SPOP: variants seen among roughly 807,000 people sequenced by gnomAD.
SPOP encodes speckle type BTB/POZ protein.
Under a neutral mutation model 45.6 loss-of-function variants are expected in SPOP, and 11 were observed. That is an observed-to-expected ratio of 0.24 (90% CI 0.15 to 0.40). The LOEUF (loss-of-function observed/expected upper bound fraction) is 0.40. Among genes scored for constraint, SPOP ranks in the 10% least tolerant of loss-of-function variants. The probability of loss-of-function intolerance (pLI) is 1.00; values close to 1 mark genes in which losing one functional copy is unlikely to be tolerated. For synonymous variants in SPOP, 166 were observed against 166.3 expected, an observed-to-expected ratio of 1.00 and a Z score of 0.01; for missense variants, 152 against 465.6, an observed-to-expected ratio of 0.33 and a Z score of 6.20.
intron 1 of SPOP, among the ~76,000 whole-genome samples, chr17:49,665,294 T>C (rs1300647267): frequency 1.3e-5 from 2 of 152,142 alleles, no homozygotes; most frequent in African/African-American, 4.8e-5. Context: ...TGAATATATT[T>C]TGGACAACAA....
chr17:49,628,496 T>G (rs1016186875), intron 1 of SPOP, among the ~76,000 whole-genome samples: 7 of 150,874 alleles, frequency 4.6e-5, no homozygotes, highest in African/African-American at 1.7e-4. Flanking sequence ...AATTTCTAAC[T>G]AGAATATTAA....
chr17:49,669,506 C>T (rs1011278791), intron 1 of SPOP, among the ~76,000 whole-genome samples: 26 of 145,898 alleles, frequency 1.8e-4, no homozygotes, highest in African/African-American at 6.3e-4. Context: ...GTGGCTCATG[C>T]CTGTAATCCC....
At position 49,619,585 on chromosome 17, in the gene SPOP, T is replaced by A. The variant is rs1597923669; in HGVS notation, c.201-200A>T. On this transcript the variant is annotated intron_variant, in intron 3 of 9. Coordinates refer to ENST00000504102, the MANE Select transcript of SPOP (RefSeq NM_001007228.2). The surrounding 1 kb of genome is among the most constrained non-coding windows in gnomAD (Gnocchi z 4.9). ...TCTTACTCTATCGTCCAGGCTGGAGTGCAGTGGTATGATCATGGCTTACTG... is the reference window on the plus strand; with the variant it reads ...TCTTACTCTATCGTCCAGGCTGGAGAGCAGTGGTATGATCATGGCTTACTG... 6.6e-6 allele frequency among the ~76,000 whole-genome samples: 1 copy of A among 151,868 alleles called. No individual in the cohort carries two copies. The highest frequency in any genetic ancestry group is 1.9e-4 in the East Asian group (1 of 5,182).
chr17:49,663,963 T>C (rs1422770874), intron 1 of SPOP, among the ~76,000 whole-genome samples: 2 of 152,218 alleles, frequency 1.3e-5, no homozygotes, highest in African/African-American at 4.8e-5. Context: ...GTTTTTGTTA[T>C]TGTATTATAA....
chr17:49,651,903 C>T (rs1040419866), intron 1 of SPOP, among the ~76,000 whole-genome samples: 1 of 151,960 alleles, frequency 6.6e-6, no homozygotes, highest in African/African-American at 2.4e-5. Context: ...CCTGTAATCC[C>T]AGCTACTAGG....
intron 1 of SPOP, among the ~76,000 whole-genome samples, chr17:49,632,364 TC>T (rs1389372510): frequency 6.6e-6 from 1 of 152,098 alleles, no homozygotes; most frequent in Non-Finnish European, 1.5e-5. Context: ...TGGGGGGAGT[TC>T]CTGAATCCAC....
Position 49,607,381 on chromosome 17 carries a change from G to T in SPOP, c.715-9C>A. The T allele has an allele frequency of 6.2e-7, 1 of 1,608,640 alleles. No individual in the cohort carries two copies. The highest frequency in any genetic ancestry group is 8.5e-7 in the Non-Finnish European group (1 of 1,177,434). ...TTGATTTCAACTCGATTCTATGCCA[G>T]AAAAACTGAATATGAGAAACATTCC... On this transcript the variant is annotated splice_polypyrimidine_tract_variant and intron_variant, in intron 7 of 9. Coordinates refer to ENST00000504102, the MANE Select transcript of SPOP (RefSeq NM_001007228.2).
chr17:49,677,572 C>G (rs982053292), intron 1 of SPOP, among the ~76,000 whole-genome samples: 3 of 152,220 alleles, frequency 2.0e-5, no homozygotes, highest in Non-Finnish European at 4.4e-5. Context: ...GCGCATGCGC[C>G]CCCGGGGCAG....
chr17:49,618,940 G>A (rs745957392), intron 5 of SPOP, 41 bp downstream of exon 5: 1 of 1,590,964 alleles, frequency 6.3e-7, no homozygotes, highest in South Asian at 1.1e-5. Flanking sequence ...ATACTCATCA[G>A]ATCTGGGAAC....
At chr17:49,602,447 G>T (rs1055059432) in intron 8 of SPOP, 4 of 157,102 alleles carry the variant, frequency 2.5e-5, no homozygotes, top group African/African-American at 9.6e-5. Context: ...GGGGAAGGGT[G>T]AAAGAATTGG....
Position 49,600,586 on chromosome 17 carries a change from C to A in SPOP, c.981-64G>T. 2 of 1,578,152 alleles carry A rather than the reference C, an allele frequency of 1.3e-6. No individual in the cohort carries two copies. Among genetic ancestry groups the A allele is most frequent in the South Asian group, 2.2e-5 (2 of 89,770 alleles). On this transcript the variant is annotated intron_variant, in intron 9 of 9. Coordinates refer to ENST00000504102, the MANE Select transcript of SPOP (RefSeq NM_001007228.2). This position sits in a 1 kb window ranked among gnomAD's most constrained non-coding sequence, Gnocchi z 4.2. ...GAGCAAGGGATGAATTCAACAGCCA[C>A]CTAGATAGCCTAATTTTCCACTGTT... is the stretch of plus-strand genomic sequence containing the variant.
intron 1 of SPOP, among the ~76,000 whole-genome samples, chr17:49,652,245 G>A (rs764115282): frequency 6.6e-6 from 1 of 152,188 alleles, no homozygotes; most frequent in Non-Finnish European, 1.5e-5. Flanking sequence ...CTAGTCCCAA[G>A]CATTTTGGAT....
At chr17:49,645,894 A>G (rs2072750164) in intron 1 of SPOP, among the ~76,000 whole-genome samples, 1 of 147,972 alleles carries the variant, frequency 6.8e-6, no homozygotes, top group South Asian at 2.1e-4. Flanking sequence ...TCCTTCCATT[A>G]TCTCACTGAC....
chr17:49,664,722 A>G (rs1228660220), intron 1 of SPOP, among the ~76,000 whole-genome samples: 5 of 152,184 alleles, frequency 3.3e-5, no homozygotes, highest in Non-Finnish European at 5.9e-5. Flanking sequence ...TGGGGCAGGT[A>G]TCTGGCCCGG....
intron 1 of SPOP, among the ~76,000 whole-genome samples, chr17:49,647,840 A>C (rs767142677): frequency 4.6e-5 from 7 of 152,218 alleles, no homozygotes; most frequent in East Asian, 3.9e-4. Flanking sequence ...ATCATCATTA[A>C]TTTTTTCAAA....
chr17:49,647,313 TAAAAAAA>T (rs1156781114), intron 1 of SPOP, among the ~76,000 whole-genome samples: 5 of 43,118 alleles, frequency 1.2e-4, no homozygotes, highest in Admixed American at 3.3e-4. Context: ...GATGCCGTCT[TAAAAAAA>T]AAAAAAAAAA....
intron 1 of SPOP, among the ~76,000 whole-genome samples, chr17:49,657,600 T>C (rs1031915105): frequency 1.3e-5 from 2 of 151,680 alleles, no homozygotes; most frequent in Non-Finnish European, 2.9e-5. Flanking sequence ...GGTTTCACCA[T>C]GTTGGCCAGG....
At chr17:49,602,048 T>A in intron 8 of SPOP, 41 bp from the exon 9 acceptor site, 2 of 1,607,456 alleles carry the variant, frequency 1.2e-6, no homozygotes, top group Non-Finnish European at 1.7e-6. Flanking sequence ...GCAGCAATAG[T>A]TCTGGGCTGA....
chr17:49,653,363 A>G (rs2072867033), intron 1 of SPOP, among the ~76,000 whole-genome samples: 1 of 151,916 alleles, frequency 6.6e-6, no homozygotes, highest in Non-Finnish European at 1.5e-5. Flanking sequence ...TTATATCCTC[A>G]AAACAAACAA....
Sources: allele counts gnomAD v4.1 joint callset (sites outside exome capture counted in the v4.1 genomes callset), GRCh38; gene constraint gnomAD v4.1.1; non-coding constraint Gnocchi (gnomAD v3.1); transcripts MANE v1.5; gene names NCBI Gene and HGNC (gene_info 2026-07-23, HGNC 2026-07-21).